Variants in PCDHA3 observed in about 807,000 individuals in gnomAD.
PCDHA3 encodes the protein protocadherin alpha 3.
PCDHA3 carries 41 observed loss-of-function variants against 62.2 expected under a neutral mutation model. The observed-to-expected ratio is 0.66, with a 90% CI of 0.51 to 0.86. The LOEUF is 0.86. Ranked by LOEUF, PCDHA3 falls within the 40% of genes least tolerant of loss-of-function variation. The probability of loss-of-function intolerance (pLI) is 0.00; values close to 1 mark genes in which losing one functional copy is unlikely to be tolerated. For missense variants in PCDHA3, 1,304 were observed against 1,241.2 expected (o/e 1.05, Z -0.76); for synonymous variants, 640 against 555.4 (o/e 1.15, Z -2.14).
intron 1 of PCDHA3, chr5:140,823,108 G>C (rs138806648): frequency 6.2e-7 from 1 of 1,613,958 alleles, no homozygotes; most frequent in African/African-American, 1.3e-5. Context: ...TGTGGAAGTG[G>C]CCGACGTGAA....
In PCDHA3 at chr5:140,801,127, A is replaced by C. The variant is rs1285263888; in HGVS notation, c.-71A>C. ...ACACCGAGGAGTTTAAGAAATGAAG[A>C]TAAGGAACTCGAATTATTTTTAAAC... On this transcript the variant is annotated 5_prime_UTR_variant, in exon 1 of 4. Coordinates refer to ENST00000522353, the MANE Select transcript of PCDHA3 (RefSeq NM_018906.3). 2.6e-6 allele frequency: 4 copies of C among 1,520,548 alleles called. No individual in the cohort carries two copies. In the East Asian group the frequency reaches 9.1e-5, roughly 34 times the overall value. The allele number at this position is 1,520,548 out of a possible 1,614,324, so 94.2% of individuals were successfully genotyped here.
intron 1 of PCDHA3, among the ~76,000 whole-genome samples, chr5:140,925,538 C>T (rs1387501905): frequency 6.6e-6 from 1 of 151,860 alleles, no homozygotes; most frequent in Non-Finnish European, 1.5e-5. Flanking sequence ...AGGAGAAATA[C>T]CTAATGTAAA....
At position 140,968,861 on chromosome 5, in the gene PCDHA3, C is replaced by G; in HGVS notation, c.2395-10088C>G. 1.9e-6 allele frequency: 3 copies of G among 1,614,182 alleles called. No homozygotes were observed. In the South Asian group the frequency reaches 3.3e-5, roughly 18 times the overall value. ...CACTCAGAGGCATGTTAAGAGCCCT[C>G]GGACATACTCTGAAATTACCCTTTA... is the stretch of plus-strand genomic sequence containing the variant. On this transcript the variant is annotated intron_variant, in intron 1 of 3. Coordinates refer to ENST00000522353, the MANE Select transcript of PCDHA3 (RefSeq NM_018906.3).
In PCDHA3 at chr5:140,876,439, A is replaced by G; in HGVS notation, c.2394+72848A>G. 4 of 1,613,988 alleles carry G rather than the reference A, an allele frequency of 2.5e-6. No individual in the cohort carries two copies. The East Asian group carries it at 8.9e-5, about 36-fold the overall frequency. ...TGCCTATGAAATTCAGGTTAACGCC[A>G]TTGATAAAGGGATTCCTTCCATGGC... is the stretch of plus-strand genomic sequence containing the variant. On this transcript the variant is annotated intron_variant, in intron 1 of 3. Transcript: ENST00000522353.
chr5:140,882,022 A>G (rs2153382292), intron 1 of PCDHA3: 2 of 571,970 alleles, frequency 3.5e-6, no homozygotes, highest in Non-Finnish European at 5.6e-6. Flanking sequence ...TACTACATCA[A>G]TGGAAAATAT....
chr5:141,005,701 CA>C (rs59860837), intron 3 of PCDHA3, among the ~76,000 whole-genome samples: 201 of 7,776 alleles, frequency 0.026, no homozygotes, highest in African/African-American at 0.052. Flanking sequence ...AACTCCGTCT[CA>C]AAAAAAAAAA....
chr5:140,866,357 A>G (rs1397788324), intron 1 of PCDHA3: 1 of 152,156 alleles, frequency 6.6e-6, no homozygotes, highest in Non-Finnish European at 1.5e-5. Flanking sequence ...AATGTTTACA[A>G]TATTGCATAC....
At chr5:140,846,097 A>G (rs1554141144) in intron 1 of PCDHA3, among the ~76,000 whole-genome samples, 1 of 149,760 alleles carries the variant, frequency 6.7e-6, no homozygotes, top group African/African-American at 2.4e-5. Context: ...CCTTCCAAGG[A>G]ATGTGTAGAC....
At position 140,850,728 on chromosome 5, in the gene PCDHA3, G is replaced by T. The variant is rs2150496245; in HGVS notation, c.2394+47137G>T. The T allele has an allele frequency of 4.2e-5, 67 of 1,598,072 alleles. 6 individuals are homozygous for T. The highest frequency in any genetic ancestry group is 5.7e-5 in the Non-Finnish European group (66 of 1,167,642). On this transcript the variant is annotated intron_variant, in intron 1 of 3. Transcript: ENST00000522353. ...GCCGACGCTGGTGTGTTCTAGCGCGGTGGGGAGTTGGTCGTACTCGCAGCA... is the reference window on the plus strand; with the variant it reads ...GCCGACGCTGGTGTGTTCTAGCGCGTTGGGGAGTTGGTCGTACTCGCAGCA...
intron 3 of PCDHA3, among the ~76,000 whole-genome samples, chr5:141,006,417 G>A (rs1010340395): frequency 6.6e-6 from 1 of 152,030 alleles, no homozygotes; most frequent in Admixed American, 6.6e-5. Flanking sequence ...GTTTCACTGT[G>A]TTAGCCAGGA....
At chr5:140,850,115 G>A (rs2150468444) in intron 1 of PCDHA3, 17 of 1,595,978 alleles carry the variant, frequency 1.1e-5, no homozygotes, top group Non-Finnish European at 1.5e-5. Flanking sequence ...CGCGCGACGC[G>A]GGCGTGCCGC....
At position 140,802,453 on chromosome 5, in the gene PCDHA3, C is replaced by T. The variant is rs573377233; in HGVS notation, c.1256C>T (p.Ser419Leu). The change falls in exon 1 of 4, where the codon TCG (serine) becomes TTG (leucine). Residue 419 changes from serine to leucine, a missense_variant. Coordinates refer to ENST00000522353, the MANE Select transcript of PCDHA3 (RefSeq NM_018906.3). ...LDSPLDRESV[S>L]AYELVVTARD... ...AGCCCTCTGGACCGCGAGAGCGTGT[C>T]GGCCTATGAGCTGGTGGTGACTGCT... The T allele has an allele frequency of 7.4e-6, 12 of 1,614,196 alleles. No individual in the cohort carries two copies. The Admixed American group carries it at 1.7e-4, about 22-fold the overall frequency.
chr5:140,937,099 G>T (rs890589684), intron 1 of PCDHA3, among the ~76,000 whole-genome samples: 1 of 149,656 alleles, frequency 6.7e-6, no homozygotes, highest in Non-Finnish European at 1.5e-5. Flanking sequence ...GTGCAGTGGC[G>T]CAGTCTCGGC....
At chr5:140,996,802 T>C (rs1554255415) in intron 3 of PCDHA3, among the ~76,000 whole-genome samples, 1 of 152,218 alleles carries the variant, frequency 6.6e-6, no homozygotes, top group Non-Finnish European at 1.5e-5. Flanking sequence ...CATCCAATCA[T>C]GCTTTCCAAA....
At chr5:140,903,321 T>A (rs2070191003) in intron 1 of PCDHA3, among the ~76,000 whole-genome samples, 1 of 152,174 alleles carries the variant, frequency 6.6e-6, no homozygotes, top group Non-Finnish European at 1.5e-5. Flanking sequence ...GACAGCATTT[T>A]TATTGAGGAA....
chr5:140,904,912 T>C (rs2071465626), intron 1 of PCDHA3, among the ~76,000 whole-genome samples: 1 of 152,236 alleles, frequency 6.6e-6, no homozygotes, highest in Non-Finnish European at 1.5e-5. Flanking sequence ...TACTGATTTG[T>C]TTGACTTCCT....
At chr5:140,988,545 T>C (rs1164667441) in intron 3 of PCDHA3, among the ~76,000 whole-genome samples, 1 of 152,150 alleles carries the variant, frequency 6.6e-6, no homozygotes, top group African/African-American at 2.4e-5. Context: ...ATTCATGACT[T>C]TCTTCATCTT....
At chr5:140,841,821 T>A in intron 1 of PCDHA3, 1 of 1,613,940 alleles carries the variant, frequency 6.2e-7, no homozygotes. Flanking sequence ...GCTAACTCCG[T>A]GTTAACCTAC....
At chr5:140,928,381 T>C (rs1554205835) in intron 1 of PCDHA3, 2 of 1,614,054 alleles carry the variant, frequency 1.2e-6, no homozygotes, top group African/African-American at 2.7e-5. Flanking sequence ...AGCCTCTAGC[T>C]TGCTGGCAGT....
Sources: allele counts gnomAD v4.1 joint callset (sites outside exome capture counted in the v4.1 genomes callset), GRCh38; gene constraint gnomAD v4.1.1; transcripts MANE v1.5; gene names NCBI Gene and HGNC (gene_info 2026-07-23, HGNC 2026-07-21).